The following GLDC variants were observed in gnomAD, a reference collection of about 807,000 sequenced individuals.
The protein encoded by GLDC is glycine decarboxylase.
GLDC carries 104 observed loss-of-function variants against 121.3 expected under a neutral mutation model. The observed-to-expected ratio is 0.86, with a 90% confidence interval of 0.73 to 1.01. The LOEUF (loss-of-function observed/expected upper bound fraction) is 1.01, where lower values mean the gene tolerates loss of function less well. GLDC is among the 50% of genes least tolerant of loss of function. The pLI is 0.00. For missense variants in GLDC, 1,429 were observed against 1,306.6 expected (o/e 1.09, Z -1.44); for synonymous variants, 546 against 480.6 (o/e 1.14, Z -1.78).
At position 6,606,630 on chromosome 9, in the gene GLDC, G is replaced by C; in HGVS notation, c.675C>G (p.Cys225Trp). 1.2e-6 allele frequency: 2 copies of C among 1,609,614 alleles called. No individual in the cohort carries two copies. The highest frequency in any genetic ancestry group is 1.7e-6 in the Non-Finnish European group (2 of 1,176,042). Residue 225 changes from cysteine (C) to tryptophan (W), a missense_variant, in exon 5 of 25, where the codon TGC becomes TGG. By Grantham distance (215) the Cys-to-Trp change is radical. Coordinates refer to ENST00000321612, the MANE Select transcript of GLDC (RefSeq NM_000170.3). ...KRRKFLVDPR[C>W]HPQTIAVVQT... ...GGACAACAGCTATTGTCTGTGGGTG[G>C]CAACGGGGATCAACGAGAAATTTCC... is the stretch of plus-strand genomic sequence containing the variant.
At chr9:6,644,744 C>T (rs779196874) in intron 1 of GLDC, 52 bp from the exon 2 acceptor site, 1 of 1,266,544 alleles carries the variant, frequency 7.9e-7, no homozygotes, top group Admixed American at 1.7e-5. Flanking sequence ...AAAAGAGTCA[C>T]CTCTGTGTTT....
intron 22 of GLDC, among the ~76,000 whole-genome samples, chr9:6,539,208 T>G (rs1388958368): frequency 1.3e-5 from 2 of 152,202 alleles, no homozygotes. Context: ...CTGGGCGTGC[T>G]GGCTCACACC....
At chr9:6,607,201 C>T (rs997709598) in intron 4 of GLDC, among the ~76,000 whole-genome samples, 2 of 152,140 alleles carry the variant, frequency 1.3e-5, no homozygotes, top group Admixed American at 6.5e-5. Flanking sequence ...TCTATGTTTA[C>T]TCAATAACAA....
rs762194457 is a variant in GLDC, at chr9:6,592,209, AAG to A, written c.1414_1415del (p.Leu472Ter). 1.9e-6 allele frequency: 3 copies of A among 1,601,074 alleles called. No homozygotes were observed. The highest frequency in any genetic ancestry group is 2.6e-6 in the Non-Finnish European group (3 of 1,168,556). ...LFEDGTLGIS[L>X]DETVNEKDLD... ...GATCTTTTTCATTGACTGTTTCATC[AAG>A]AGAAATACCAAGCTACAGAAACACA... On this transcript the variant is annotated frameshift_variant, in exon 11 of 25. Coordinates refer to ENST00000321612, the MANE Select transcript of GLDC (RefSeq NM_000170.3). LOFTEE classifies it high-confidence loss of function.
chr9:6,642,394 G>T (rs2130021449), intron 2 of GLDC, among the ~76,000 whole-genome samples: 1 of 152,246 alleles, frequency 6.6e-6, no homozygotes, highest in Non-Finnish European at 1.5e-5. Context: ...AGCCGGGCAT[G>T]GTGGTGCACG....
chr9:6,580,733 C>T (rs930539480), intron 15 of GLDC, among the ~76,000 whole-genome samples: 1 of 152,232 alleles, frequency 6.6e-6, no homozygotes, highest in East Asian at 1.9e-4. Flanking sequence ...CATCAGGCAG[C>T]AAGCCCATCT....
intron 15 of GLDC, chr9:6,569,097 T>C (rs937993195): frequency 2.0e-5 from 3 of 152,092 alleles, no homozygotes; most frequent in Non-Finnish European, 2.9e-5. Context: ...AGTATTGTGA[T>C]GACTATAACC....
intron 7 of GLDC, 145 bp from the exon 8 acceptor site, chr9:6,602,350 A>C (rs1012403149): frequency 4.5e-5 from 31 of 685,488 alleles, no homozygotes; most frequent in Middle Eastern, 2.6e-4. Flanking sequence ...CAATTTCTAA[A>C]CGTTCCTCAT....
chr9:6,645,601 A>G lies in GLDC; in HGVS notation c.-102T>C, dbSNP rs2130033503. ...CGGGTGGCGGCTGCGCCCGGCCTGG[A>G]GCCCCTTTCGCTGGACAGTCGGCCG... is the stretch of plus-strand genomic sequence containing the variant. On this transcript the variant is annotated 5_prime_UTR_variant, in exon 1 of 25. Coordinates refer to ENST00000321612, the MANE Select transcript of GLDC (RefSeq NM_000170.3). 1 of 860,474 alleles carries G rather than the reference A, an allele frequency of 1.2e-6. No homozygotes were observed. 53.3% of individuals were successfully genotyped at this position (860,474 alleles called of 1,614,324 possible). A position where few individuals can be genotyped will look rare whatever the true frequency, so the allele number is the denominator to read the frequency against.
chr9:6,606,514 G>A (rs553627618), intron 5 of GLDC, 78 bp downstream of exon 5: 2 of 937,920 alleles, frequency 2.1e-6, no homozygotes, highest in Middle Eastern at 2.1e-4. Flanking sequence ...CAATCAGTTT[G>A]GAAGTGAGAA....
chr9:6,586,850 C>T (rs1354824718), intron 15 of GLDC, among the ~76,000 whole-genome samples: 1 of 152,162 alleles, frequency 6.6e-6, no homozygotes, highest in African/African-American at 2.4e-5. Flanking sequence ...TGAACCCCGA[C>T]ATTGTGCTGT....
At chr9:6,600,397 C>A (rs865777246) in intron 8 of GLDC, among the ~76,000 whole-genome samples, 3 of 151,136 alleles carry the variant, frequency 2.0e-5, no homozygotes, top group African/African-American at 7.3e-5. Context: ...AAAAAAGAAG[C>A]CAGGTGCCAT....
At chr9:6,618,874 T>C (rs1475881202) in intron 3 of GLDC, among the ~76,000 whole-genome samples, 2 of 151,348 alleles carry the variant, frequency 1.3e-5, no homozygotes, top group South Asian at 2.1e-4. Context: ...CTGGGCGCGG[T>C]GGCTCACGCC....
At chr9:6,640,435 G>A (rs1415267383) in intron 2 of GLDC, among the ~76,000 whole-genome samples, 2 of 152,252 alleles carry the variant, frequency 1.3e-5, no homozygotes, top group Non-Finnish European at 2.9e-5. Flanking sequence ...CCTGGGGTCA[G>A]TTCAGGAGAG....
At position 6,553,381 on chromosome 9, in the gene GLDC, C is replaced by A; in HGVS notation, c.2444G>T (p.Trp815Leu). The A allele has an allele frequency of 6.2e-7, 1 of 1,614,096 alleles. No individual in the cohort carries two copies. Among genetic ancestry groups the A allele is most frequent in the Non-Finnish European group, 8.5e-7 (1 of 1,180,008 alleles). The change falls in exon 20 of 25, where the codon TGG becomes TTG. Residue 815 changes from tryptophan to leucine, a missense_variant. By Grantham distance (61) the Trp-to-Leu change is moderately conservative. Transcript: ENST00000321612. ...CCCAGGCCTCACCTTGATATAAGCC[C>A]AGGAAATGGGCAAGATGGAACTGGA... ...WGSSSILPIS[W>L]AYIKMMGGKG... is the part of the protein sequence containing the mutation.
intron 21 of GLDC, among the ~76,000 whole-genome samples, chr9:6,546,918 C>T (rs1817404610): frequency 1.3e-5 from 2 of 152,128 alleles, no homozygotes; most frequent in African/African-American, 4.8e-5. Context: ...GCCAACATCA[C>T]ACCACTGCAC....
At chr9:6,613,830 G>A (rs1818911361) in intron 3 of GLDC, among the ~76,000 whole-genome samples, 1 of 152,070 alleles carries the variant, frequency 6.6e-6, no homozygotes, top group Non-Finnish European at 1.5e-5. Context: ...AGGCTGGAGT[G>A]CAGTGGCACG....
At chr9:6,575,513 A>C (rs528911739) in intron 15 of GLDC, among the ~76,000 whole-genome samples, 111 of 152,304 alleles carry the variant, frequency 7.3e-4, no homozygotes, top group African/African-American at 2.5e-3. Flanking sequence ...GTAATTGCAC[A>C]AGCCCTCCAG....
At chr9:6,581,005 G>A (rs760427498) in intron 15 of GLDC, among the ~76,000 whole-genome samples, 29 of 152,170 alleles carry the variant, frequency 1.9e-4, no homozygotes, top group South Asian at 4.1e-4. Context: ...TAAAATGACC[G>A]TATATGAACT....
Sources: gnomAD v4.1 joint callset for allele counts (sites outside exome capture counted in the v4.1 genomes callset) on GRCh38, gnomAD v4.1.1 for gene constraint, MANE v1.5 for transcripts, NCBI Gene and HGNC (gene_info 2026-07-23, HGNC 2026-07-21) for gene names.